The following ACAT1 variants were observed in gnomAD, a reference collection of about 807,000 sequenced individuals.
ACAT1 encodes the protein acetyl-CoA acetyltransferase, mitochondrial.
A neutral mutation model predicts 47.3 loss-of-function variants in ACAT1; 28 were observed. The observed-to-expected ratio is 0.59, with a 90% CI of 0.44 to 0.81. ACAT1 has a LOEUF of 0.81. ACAT1 is among the 30% of genes least tolerant of loss of function. ACAT1 has a pLI of 0.00. For synonymous variants in ACAT1, 181 were observed against 173.6 expected (o/e 1.04, Z -0.34); for missense variants, 469 against 524.3 (o/e 0.89, Z 1.03).
chr11:108,119,660 T>TCA (rs1179422089), upstream of ACAT1, among the ~76,000 whole-genome samples: 53 of 151,578 alleles, frequency 3.5e-4, no homozygotes, highest in African/African-American at 1.1e-3. Flanking sequence ...TCTCTCTCTC[T>TCA]CTCACACACA....
intron 1 of ACAT1, among the ~76,000 whole-genome samples, chr11:108,124,446 A>G (rs917477993): frequency 6.6e-6 from 1 of 151,900 alleles, no homozygotes; most frequent in African/African-American, 2.4e-5. Context: ...TATTTTTAGT[A>G]GGGACGGGCT....
Position 108,141,813 on chromosome 11 carries a change from A to C in ACAT1, c.826+113A>C. 5.4e-6 allele frequency: 4 copies of C among 741,626 alleles called. No homozygotes were observed. The South Asian group carries it at 6.2e-5, about 11-fold the overall frequency. The allele number at this position is 741,626 out of a possible 1,614,324, so 45.9% of individuals were successfully genotyped here. On this transcript the variant is annotated intron_variant, in intron 8 of 11. Coordinates refer to ENST00000265838, the MANE Select transcript of ACAT1 (RefSeq NM_000019.4). The stretch of plus-strand genomic sequence containing the variant: ...CTAGAAAACATCTAGATGTTATTTA[A>C]CATTTTCAGTATATCAGGCTCATGT...
chr11:108,137,481 A>C (rs1373295773), intron 5 of ACAT1, among the ~76,000 whole-genome samples: 1 of 152,230 alleles, frequency 6.6e-6, no homozygotes, highest in African/African-American at 2.4e-5. Flanking sequence ...CTTTGGTGGA[A>C]AGGCTGCATG....
intron 9 of ACAT1, chr11:108,143,099 C>T (rs1028707223): frequency 6.4e-6 from 1 of 155,920 alleles, no homozygotes; most frequent in African/African-American, 2.4e-5. Context: ...TGCTTGAGGC[C>T]TGGAGTTTGA....
chr11:108,146,462 C>CT, intron 11 of ACAT1, 103 bp downstream of exon 11: 2 of 1,386,424 alleles, frequency 1.4e-6, no homozygotes, highest in South Asian at 2.4e-5. Flanking sequence ...GTTTTCCTTC[C>CT]TACCCATCTT....
intron 6 of ACAT1, among the ~76,000 whole-genome samples, chr11:108,139,516 C>T (rs1033954649): frequency 1.3e-5 from 2 of 151,568 alleles, no homozygotes; most frequent in Non-Finnish European, 2.9e-5. Context: ...TGCTTGAACC[C>T]GGGAGGTGGA....
At chr11:108,121,468 G>A, upstream of ACAT1, 1 of 991,322 alleles carries the variant, frequency 1.0e-6, no homozygotes, top group Non-Finnish European at 1.5e-6. Flanking sequence ...CTTGGCTGCC[G>A]GCCAATCGCC....
intron 1 of ACAT1, among the ~76,000 whole-genome samples, chr11:108,125,160 G>A (rs2077225165): frequency 1.3e-5 from 2 of 152,158 alleles, no homozygotes; most frequent in African/African-American, 4.8e-5. Flanking sequence ...GCCACCTGAG[G>A]GTTACAAAAT....
Position 108,135,143 on chromosome 11 carries a change from C to G in ACAT1, c.336C>G (p.Gly112=). Residue 112 remains glycine, a splice_region_variant and synonymous_variant, in exon 5 of 12, where the codon GGC becomes GGG. Coordinates refer to ENST00000265838, the MANE Select transcript of ACAT1 (RefSeq NM_000019.4). The part of the protein sequence containing the change: ...APTRQAVLGA[G]LPISTPCTTI... The stretch of plus-strand genomic sequence containing the variant: ...AAAAGTGACTTATATTGGTTTTAGG[C>G]TTACCTATTTCTACTCCATGTACCA... 1 of 1,611,460 alleles carries G rather than the reference C, an allele frequency of 6.2e-7. No individual in the cohort carries two copies. The highest frequency in any genetic ancestry group is 8.5e-7 in the Non-Finnish European group (1 of 1,177,834).
At chr11:108,127,050 T>G (rs985096468) in intron 1 of ACAT1, among the ~76,000 whole-genome samples, 2 of 151,906 alleles carry the variant, frequency 1.3e-5, no homozygotes, top group African/African-American at 4.8e-5. Context: ...ACTCCTGACC[T>G]CGTGATCCGC....
chr11:108,138,474 G>A (rs1212864902), intron 5 of ACAT1, among the ~76,000 whole-genome samples: 2 of 151,418 alleles, frequency 1.3e-5, no homozygotes, highest in East Asian at 1.9e-4. Flanking sequence ...TCAGCTCACA[G>A]CAACCTCTGC....
intron 4 of ACAT1, among the ~76,000 whole-genome samples, chr11:108,134,641 GAAAAAAAAAA>G (rs71047674): frequency 3.1e-5 from 2 of 64,118 alleles, no homozygotes; most frequent in Non-Finnish European, 5.7e-5. Context: ...CTGTCTGAAA[GAAAAAAAAAA>G]AAAAAAAAAA....
chr11:108,119,921 A>T (rs1007937748), upstream of ACAT1, among the ~76,000 whole-genome samples: 1 of 152,152 alleles, frequency 6.6e-6, no homozygotes, highest in Admixed American at 6.5e-5. Context: ...GTGCTATATT[A>T]AAAAATTACC....
intron 10 of ACAT1, 159 bp from the exon 11 acceptor site, chr11:108,146,042 TG>T (rs2077700655): frequency 1.6e-6 from 1 of 635,380 alleles, no homozygotes; most frequent in Non-Finnish European, 2.6e-6. Flanking sequence ...GCAAGACTGT[TG>T]GAAAAAAAAA....
At chr11:108,136,239 C>T in intron 5 of ACAT1, 1 of 428,736 alleles carries the variant, frequency 2.3e-6, no homozygotes, top group South Asian at 6.8e-5. Context: ...TGAGCATCTG[C>T]CATGTGACAG....
intron 2 of ACAT1, among the ~76,000 whole-genome samples, chr11:108,132,218 C>T (rs2077375005): frequency 6.6e-6 from 1 of 152,026 alleles, no homozygotes; most frequent in Non-Finnish European, 1.5e-5. Flanking sequence ...TCTTCTTTTA[C>T]TCACAGGGAC....
intron 1 of ACAT1, among the ~76,000 whole-genome samples, chr11:108,124,117 T>G (rs1345809150): frequency 6.6e-6 from 1 of 152,154 alleles, no homozygotes; most frequent in African/African-American, 2.4e-5. Context: ...CAGAATAATT[T>G]GTCTGTCTGT....
chr11:108,131,867 TA>T (rs1228349860), intron 1 of ACAT1, 39 bp from the exon 2 acceptor site: 2 of 952,184 alleles, frequency 2.1e-6, no homozygotes, highest in African/African-American at 1.7e-5. Context: ...TATAGTTTAA[TA>T]TTTTTTACAT....
rs201268334 is a variant in ACAT1 at position 108,147,557 on chromosome 11, TTAAAAA to T, written c.*172_*177del. 20,617 of 960,492 alleles carry T rather than the reference TTAAAAA, an allele frequency of 0.021. 373 individuals are homozygous for T. The highest frequency in any genetic ancestry group is 0.022 in the Non-Finnish European group (14,666 of 669,010). The allele number at this position is 960,492 out of a possible 1,614,324, so 59.5% of individuals were successfully genotyped here. ...GATGAAATCCCAAAACATTTTGAAA[TTAAAAA>T]TAAATTTCTTCTTCTGCTTTTTTCT... On this transcript the variant is annotated 3_prime_UTR_variant, in exon 12 of 12. Transcript: ENST00000265838.
Sources: gnomAD v4.1 joint callset for allele counts (sites outside exome capture counted in the v4.1 genomes callset) on GRCh38, gnomAD v4.1.1 for gene constraint, MANE v1.5 for transcripts, NCBI Gene and HGNC (gene_info 2026-07-23, HGNC 2026-07-21) for gene names.